Variants in FHDC1 observed in about 807,000 individuals in gnomAD.
FHDC1 encodes the protein FH2 domain containing 1, also known as FH2 domain-containing protein 1.
FHDC1 carries 25 observed loss-of-function variants against 52.6 expected under a neutral mutation model. The ratio of observed to expected loss-of-function variants is 0.48; its 90% CI spans 0.35 to 0.66. The LOEUF is 0.66. Ranked by LOEUF, FHDC1 falls within the 30% of genes least tolerant of loss-of-function variation. FHDC1 has a pLI of 0.01. For synonymous variants in FHDC1, 616 were observed against 581.5 expected (o/e 1.06, Z -0.85); for missense variants, 1,459 against 1,452.8 (o/e 1.00, Z -0.07).
chr4:152,962,306 G>T (rs11099862), intron 6 of FHDC1, among the ~76,000 whole-genome samples: 57,305 of 151,902 alleles, frequency 0.38, 11,275 homozygotes, highest in South Asian at 0.54. Context: ...CGCGGTTTGT[G>T]CTTTGCAAGT....
intron 6 of FHDC1, among the ~76,000 whole-genome samples, chr4:152,962,453 A>G (rs957105329): frequency 2.6e-5 from 4 of 152,254 alleles, no homozygotes. Flanking sequence ...AGTAGTGGAT[A>G]TACAAGGAAA....
intron 10 of FHDC1, among the ~76,000 whole-genome samples, chr4:152,971,738 A>G (rs538260389): frequency 2.2e-4 from 33 of 152,232 alleles, no homozygotes; most frequent in Non-Finnish European, 4.1e-4. Flanking sequence ...TTCAGAAAAT[A>G]TTAGTGTTGG....
intron 9 of FHDC1, among the ~76,000 whole-genome samples, chr4:152,966,545 T>C (rs909017022): frequency 2.0e-5 from 3 of 152,142 alleles, no homozygotes; most frequent in Non-Finnish European, 4.4e-5. Context: ...TTGTAATCTC[T>C]GCCTCCTGGG....
rs1740884595 is a variant in FHDC1 at position 152,976,381 on chromosome 4, C to G, written c.3090C>G (p.Pro1030=). 2 of 1,613,710 alleles carry G rather than the reference C, an allele frequency of 1.2e-6. No homozygotes were observed. Among genetic ancestry groups the G allele is most frequent in the Non-Finnish European group, 1.7e-6 (2 of 1,180,044 alleles). ...PSVPSVPHEL[P]RVPSFARNTV... is the part of the protein sequence containing the mutation. ...TGCCCAGCGTCCCCCACGAACTACC[C>G]CGTGTCCCGAGCTTTGCCCGGAACA... Residue 1030 remains proline (P), a synonymous_variant, in exon 12 of 12, where the codon CCC becomes CCG. Coordinates refer to ENST00000511601, the MANE Select transcript of FHDC1 (RefSeq NM_001371116.1).
upstream of FHDC1, among the ~76,000 whole-genome samples, chr4:152,934,645 C>A (rs72725617): frequency 6.6e-6 from 1 of 152,038 alleles, no homozygotes; most frequent in East Asian, 1.9e-4. Flanking sequence ...ACTGGGAGAT[C>A]GAGAGTTGGA....
chr4:152,967,433 A>C (rs999804294), intron 9 of FHDC1, among the ~76,000 whole-genome samples: 1 of 152,208 alleles, frequency 6.6e-6, no homozygotes, highest in Non-Finnish European at 1.5e-5. Flanking sequence ...TCTCAAAAAA[A>C]AAAAAGTTGC....
At position 152,974,703 on chromosome 4, in the gene FHDC1, T is replaced by C; in HGVS notation, c.1412T>C (p.Leu471Pro). The C allele has an allele frequency of 6.6e-7, 1 of 1,512,196 alleles. No individual in the cohort carries two copies. Among genetic ancestry groups the C allele is most frequent in the Non-Finnish European group, 8.8e-7 (1 of 1,130,556 alleles). The allele number at this position is 1,512,196 out of a possible 1,614,324, so 93.7% of individuals were successfully genotyped here. A position where few individuals can be genotyped will look rare whatever the true frequency, so the allele number is the denominator to read the frequency against. Residue 471 changes from leucine (L) to proline (P), a missense_variant, in exon 12 of 12, where the codon CTG becomes CCG. This residue lies in a region of FHDC1 where 513 missense variants were observed against 581.5 expected (regional missense o/e 0.88). Transcript: ENST00000511601. ...AACCACGACCGGGAGGCGCAGGAGC[T>C]GAGGCAGCTGCAGAGGCTGAAGGAG... is the stretch of plus-strand genomic sequence containing the variant. ...KDNHDREAQE[L>P]RQLQRLKEQE...
intron 10 of FHDC1, among the ~76,000 whole-genome samples, chr4:152,968,308 C>A (rs1342310420): frequency 1.4e-5 from 2 of 142,594 alleles, no homozygotes; most frequent in East Asian, 4.0e-4. Context: ...TTTTTTTTGT[C>A]TCTTCGTTTG....
chr4:152,912,841 C>G, the FHDC1 span, among the ~76,000 whole-genome samples: 5 of 152,132 alleles, frequency 3.3e-5, no homozygotes, highest in African/African-American at 1.2e-4. Context: ...GCTTCCAAAT[C>G]TTAGGGTCCA....
the FHDC1 span, among the ~76,000 whole-genome samples, chr4:152,926,803 G>GAA: frequency 6.4e-5 from 9 of 141,684 alleles, no homozygotes; most frequent in African/African-American, 1.0e-4. Flanking sequence ...AACCCAATGG[G>GAA]AAAAAAAAAA....
At chr4:152,928,378 C>G in the FHDC1 span, among the ~76,000 whole-genome samples, 1 of 152,172 alleles carries the variant, frequency 6.6e-6, no homozygotes, top group African/African-American at 2.4e-5. Context: ...CATCTGTGGC[C>G]TGAATCGTGT....
At chr4:152,967,916 A>T in intron 9 of FHDC1, 64 bp from the exon 10 acceptor site, 1 of 1,206,426 alleles carries the variant, frequency 8.3e-7, no homozygotes, top group Non-Finnish European at 1.2e-6. Flanking sequence ...AGTCTTATTT[A>T]ATATACCTAC....
chr4:152,939,386 G>A (rs1739512510), intron 1 of FHDC1, among the ~76,000 whole-genome samples: 1 of 151,954 alleles, frequency 6.6e-6, no homozygotes, highest in Non-Finnish European at 1.5e-5. Flanking sequence ...TGCCCACCTC[G>A]GCTTCCCAAA....
chr4:152,963,386 T>C (rs1480798962), intron 8 of FHDC1, among the ~76,000 whole-genome samples: 2 of 152,020 alleles, frequency 1.3e-5, no homozygotes, highest in African/African-American at 4.8e-5. Context: ...GTGTCAAAGG[T>C]GGGGAATTTG....
intron 10 of FHDC1, among the ~76,000 whole-genome samples, chr4:152,971,913 C>T (rs1381132016): frequency 3.3e-5 from 5 of 152,084 alleles, no homozygotes; most frequent in Admixed American, 2.6e-4. Context: ...AGCTTAGACA[C>T]CCTCTCAGTG....
intron 10 of FHDC1, among the ~76,000 whole-genome samples, chr4:152,969,582 G>C (rs1300182779): frequency 6.6e-6 from 1 of 151,878 alleles, no homozygotes; most frequent in Non-Finnish European, 1.5e-5. Flanking sequence ...TTAGGATGAA[G>C]AACAGCTCTG....
intron 1 of FHDC1, among the ~76,000 whole-genome samples, chr4:152,938,137 G>A (rs376047460): frequency 6.6e-6 from 1 of 151,788 alleles, no homozygotes; most frequent in South Asian, 2.1e-4. Flanking sequence ...TTCCTGGAAG[G>A]AGCAGCCGGC....
In FHDC1 at chr4:152,953,486, T is replaced by A. The variant is rs765168548; in HGVS notation, c.499-13T>A. 3 of 1,573,942 alleles carry A rather than the reference T, an allele frequency of 1.9e-6. No individual in the cohort carries two copies. Among genetic ancestry groups the A allele is most frequent in the Admixed American group, 1.7e-5 (1 of 58,608 alleles). On this transcript the variant is annotated splice_polypyrimidine_tract_variant and intron_variant, in intron 2 of 11. Coordinates refer to ENST00000511601, the MANE Select transcript of FHDC1 (RefSeq NM_001371116.1). Reference sequence around the variant, plus strand: ...AATTTAGTAATCCTATGTGTCCTTATTTTTTTTTCCAGATTACTATTTTGG... The same window carrying A: ...AATTTAGTAATCCTATGTGTCCTTAATTTTTTTTCCAGATTACTATTTTGG...
chr4:152,925,876 AAGG>A, the FHDC1 span, among the ~76,000 whole-genome samples: 260 of 94,648 alleles, frequency 2.7e-3, 1 homozygote, highest in South Asian at 0.018. Context: ...GAAGGAGGAG[AAGG>A]AGGAGGAGGA....
Sources: allele counts gnomAD v4.1 joint callset (sites outside exome capture counted in the v4.1 genomes callset), GRCh38; gene constraint gnomAD v4.1.1; regional missense constraint gnomAD v4.1.1; transcripts MANE v1.5; gene names NCBI Gene and HGNC (gene_info 2026-07-23, HGNC 2026-07-21).